Variants in PCDHGA1 observed in about 807,000 individuals in gnomAD.
PCDHGA1 encodes protocadherin gamma-A1.
Under a neutral mutation model 58.0 loss-of-function variants are expected in PCDHGA1, and 32 were observed. The ratio of observed to expected loss-of-function variants is 0.55; its 90% CI spans 0.42 to 0.74. PCDHGA1 has a LOEUF of 0.74. Among genes scored for constraint, PCDHGA1 ranks in the 30% least tolerant of loss-of-function variants. The pLI, the probability that PCDHGA1 is intolerant of heterozygous loss-of-function variation, is 0.00. For synonymous variants in PCDHGA1, 498 were observed against 501.1 expected (o/e 0.99, Z 0.08); for missense variants, 1,205 against 1,182.3 (o/e 1.02, Z -0.28).
intron 1 of PCDHGA1, chr5:141,418,458 T>C: frequency 6.2e-7 from 1 of 1,614,010 alleles, no homozygotes; most frequent in African/African-American, 1.3e-5. Context: ...CAGAAGACTC[T>C]GGACCGAGAA....
At chr5:141,510,845 C>T (rs2099883036) in intron 3 of PCDHGA1, 102 bp from the exon 4 acceptor site, 3 of 1,593,960 alleles carry the variant, frequency 1.9e-6, no homozygotes, top group Non-Finnish European at 2.6e-6. Context: ...TGGTCAAGGC[C>T]CAGGGTGCTG....
chr5:141,350,934 T>G (rs1168998921), intron 1 of PCDHGA1: 13 of 1,613,984 alleles, frequency 8.1e-6, no homozygotes, highest in Non-Finnish European at 1.0e-5. Flanking sequence ...ACCACCCATA[T>G]CTGGATCCGA....
At chr5:141,370,954 A>G (rs1326457567) in intron 1 of PCDHGA1, 2 of 1,613,992 alleles carry the variant, frequency 1.2e-6, no homozygotes, top group Non-Finnish European at 1.7e-6. Context: ...GAGAACCTGG[A>G]TGGCAGTAGG....
intron 1 of PCDHGA1, chr5:141,374,219 G>C: frequency 6.2e-7 from 1 of 1,614,020 alleles, no homozygotes; most frequent in African/African-American, 1.3e-5. Flanking sequence ...CTCCTTCGTA[G>C]GCAACATCGT....
intron 2 of PCDHGA1, among the ~76,000 whole-genome samples, chr5:141,502,107 C>T (rs1292131951): frequency 6.6e-6 from 1 of 152,192 alleles, no homozygotes; most frequent in East Asian, 1.9e-4. Context: ...TGACCCTGCA[C>T]CCTCAGCCAG....
intron 1 of PCDHGA1, chr5:141,392,880 C>G (rs779595460): frequency 3.1e-6 from 5 of 1,613,564 alleles, no homozygotes; most frequent in Non-Finnish European, 2.5e-6. Flanking sequence ...GCTGGGAACG[C>G]TGTGGGAAAT....
chr5:141,384,021 A>G (rs1779689462), intron 1 of PCDHGA1: 1 of 1,613,720 alleles, frequency 6.2e-7, no homozygotes, highest in African/African-American at 1.3e-5. Context: ...TACAAGACAG[A>G]GATTCTGGAA....
chr5:141,408,021 A>C (rs2095027284), intron 1 of PCDHGA1: 1 of 1,036,444 alleles, frequency 9.6e-7, no homozygotes, highest in Non-Finnish European at 1.3e-6. Context: ...AGCCAACAAC[A>C]GAAAGAAGAA....
At chr5:141,383,916 T>A in intron 1 of PCDHGA1, 1 of 1,613,968 alleles carries the variant, frequency 6.2e-7, no homozygotes, top group Non-Finnish European at 8.5e-7. Context: ...CAGTTTTAGA[T>A]GTAAATGATA....
chr5:141,367,688 C>G (rs1765290329), intron 1 of PCDHGA1: 1 of 152,096 alleles, frequency 6.6e-6, no homozygotes, highest in Admixed American at 6.5e-5. Flanking sequence ...GAGAAGAAAT[C>G]AGTGTAAAGG....
intron 1 of PCDHGA1, chr5:141,350,164 T>C (rs1588479597): frequency 1.7e-6 from 2 of 1,151,326 alleles, no homozygotes; most frequent in East Asian, 2.7e-5. Flanking sequence ...AGCGCCTAAC[T>C]AATAAGTCCT....
intron 1 of PCDHGA1, among the ~76,000 whole-genome samples, chr5:141,465,041 C>T (rs2099095802): frequency 6.6e-6 from 1 of 151,856 alleles, no homozygotes; most frequent in Non-Finnish European, 1.5e-5. Flanking sequence ...CACAAATGAC[C>T]CTATATATTT....
intron 1 of PCDHGA1, chr5:141,341,171 G>C (rs1757028861): frequency 6.2e-7 from 1 of 1,614,116 alleles, no homozygotes; most frequent in African/African-American, 1.3e-5. Flanking sequence ...CAGCTTGACA[G>C]GCATGCAGAG....
chr5:141,503,773 C>A (rs961986223), intron 2 of PCDHGA1, among the ~76,000 whole-genome samples: 1 of 152,204 alleles, frequency 6.6e-6, no homozygotes. Context: ...TGTGTCTGTT[C>A]TTAGGCTGAG....
chr5:141,375,444 A>C, intron 1 of PCDHGA1: 4 of 1,613,844 alleles, frequency 2.5e-6, no homozygotes, highest in Non-Finnish European at 3.4e-6. Context: ...ACCTTCCCCC[A>C]TTCATCCTAC....
rs765823917 is a variant in PCDHGA1, at chr5:141,351,556, A to G, written c.2421+18451A>G. 2.5e-6 allele frequency: 4 copies of G among 1,613,842 alleles called. 1 individual carries two copies. The highest frequency in any genetic ancestry group is 1.7e-5 in the Admixed American group (1 of 59,994). On this transcript the variant is annotated intron_variant, in intron 1 of 3. Transcript: ENST00000517417. ...GCAAACCAGCCCTTTCCTCCAGGAC[A>G]AGCATCACCCTGCACATCTCCGACA...
chr5:141,347,656 G>A (rs1460154418), intron 1 of PCDHGA1, among the ~76,000 whole-genome samples: 1 of 151,990 alleles, frequency 6.6e-6, no homozygotes, highest in African/African-American at 2.4e-5. Context: ...GCATGGTGGT[G>A]GGCGCCTGTA....
rs1055747392 is a variant in PCDHGA1 at position 141,490,298 on chromosome 5, C to G, written c.2422-4509C>G. 6.2e-7 allele frequency: 1 copy of G among 1,614,178 alleles called. No individual in the cohort carries two copies. The highest frequency in any genetic ancestry group is 1.3e-5 in the African/African-American group (1 of 75,036). On this transcript the variant is annotated intron_variant, in intron 1 of 3. Transcript: ENST00000517417. The surrounding 1 kb of genome is among the most constrained non-coding windows in gnomAD (Gnocchi z 5.4). ...GACAATGCCCCAGAGGTGCTATTGG[C>G]CTCTTTGGCCAACCCTGTCCTAGAG...
At chr5:141,409,352 T>G in intron 1 of PCDHGA1, 1 of 1,613,980 alleles carries the variant, frequency 6.2e-7, no homozygotes, top group Non-Finnish European at 8.5e-7. Flanking sequence ...AGAAGTCAGG[T>G]GTAATATAGA....
Sources: gnomAD v4.1 joint callset for allele counts (sites outside exome capture counted in the v4.1 genomes callset) on GRCh38, gnomAD v4.1.1 for gene constraint, Gnocchi (gnomAD v3.1) non-coding constraint, MANE v1.5 for transcripts, NCBI Gene and HGNC (gene_info 2026-07-23, HGNC 2026-07-21) for gene names.